Variants in CACNB2 observed in about 807,000 individuals in gnomAD.
CACNB2 encodes the protein voltage-dependent L-type calcium channel subunit beta-2.
Under a neutral mutation model 73.3 loss-of-function variants are expected in CACNB2, and 42 were observed. The observed-to-expected ratio is 0.57, with a 90% CI of 0.45 to 0.74. The LOEUF (loss-of-function observed/expected upper bound fraction) is 0.74. Among genes scored for constraint, CACNB2 ranks in the 30% least tolerant of loss-of-function variants. CACNB2 has a pLI of 0.00. For missense variants in CACNB2, 940 were observed against 853.0 expected (o/e 1.10, Z -1.27); for synonymous variants, 348 against 310.3 (o/e 1.12, Z -1.28).
At chr10:18,250,534 T>A (rs1022503951) in intron 2 of CACNB2, among the ~76,000 whole-genome samples, 1 of 86,916 alleles carries the variant, frequency 1.2e-5, no homozygotes, top group African/African-American at 3.3e-5. Flanking sequence ...TATCTCTCTC[T>A]TTTTTTTTTT....
chr10:18,453,609 C>T (rs1188480355), intron 3 of CACNB2, among the ~76,000 whole-genome samples: 3 of 152,220 alleles, frequency 2.0e-5, no homozygotes, highest in East Asian at 3.8e-4. Context: ...TAGATTGTCT[C>T]GTACACATAC....
At chr10:18,480,473 A>T (rs1230223071) in intron 3 of CACNB2, among the ~76,000 whole-genome samples, 2 of 152,178 alleles carry the variant, frequency 1.3e-5, no homozygotes, top group African/African-American at 4.8e-5. Context: ...TACTAGTCCA[A>T]CGTGTTTCTC....
chr10:18,284,879 G>A (rs1033395139), intron 2 of CACNB2, among the ~76,000 whole-genome samples: 4 of 152,206 alleles, frequency 2.6e-5, no homozygotes, highest in Non-Finnish European at 4.4e-5. Context: ...AAATGGTTGA[G>A]CTTTTAGAGA....
At chr10:18,407,848 A>C (rs754561920) in intron 3 of CACNB2, among the ~76,000 whole-genome samples, 27 of 152,206 alleles carry the variant, frequency 1.8e-4, no homozygotes, top group Middle Eastern at 6.8e-3. Context: ...CCATAGCCAT[A>C]ATATTTTCTC....
chr10:18,361,615 T>TC (rs2042144584), intron 2 of CACNB2, among the ~76,000 whole-genome samples: 1 of 150,568 alleles, frequency 6.6e-6, no homozygotes, highest in African/African-American at 2.4e-5. Context: ...TAAAATTCTT[T>TC]TTTTTTTTTT....
chr10:18,208,943 A>G (rs1317542871), intron 2 of CACNB2, among the ~76,000 whole-genome samples: 1 of 152,208 alleles, frequency 6.6e-6, no homozygotes, highest in Non-Finnish European at 1.5e-5. Context: ...GATTCTCTGG[A>G]GCACATCATC....
chr10:18,269,459 G>C (rs1276656256), intron 2 of CACNB2, among the ~76,000 whole-genome samples: 1 of 152,070 alleles, frequency 6.6e-6, no homozygotes, highest in East Asian at 1.9e-4. Flanking sequence ...GTGGTCATGA[G>C]TCCATCCTCA....
At chr10:18,385,365 C>A (rs1162227817) in intron 2 of CACNB2, among the ~76,000 whole-genome samples, 1 of 70,696 alleles carries the variant, frequency 1.4e-5, no homozygotes, top group Non-Finnish European at 2.8e-5. Context: ...ATTTGTAATA[C>A]CCCCCCCCCT....
intron 11 of CACNB2, among the ~76,000 whole-genome samples, chr10:18,535,330 G>C (rs1162224579): frequency 6.6e-6 from 1 of 152,118 alleles, no homozygotes; most frequent in African/African-American, 2.4e-5. Context: ...TTACAAATCT[G>C]TAGGAGGTTG....
intron 3 of CACNB2, among the ~76,000 whole-genome samples, chr10:18,494,446 G>A (rs553359314): frequency 1.6e-4 from 25 of 151,896 alleles, no homozygotes; most frequent in Non-Finnish European, 2.2e-4. Context: ...TGGCTAACAC[G>A]GTGAAACCCC....
chr10:18,454,308 A>G (rs549724849), intron 3 of CACNB2, among the ~76,000 whole-genome samples: 1 of 152,366 alleles, frequency 6.6e-6, no homozygotes, highest in South Asian at 2.1e-4. Context: ...CTGTATTAAC[A>G]TTAATGTTTC....
At chr10:18,370,857 A>G (rs953997768) in intron 2 of CACNB2, among the ~76,000 whole-genome samples, 1 of 152,192 alleles carries the variant, frequency 6.6e-6, no homozygotes, top group South Asian at 2.1e-4. Flanking sequence ...AGATACACAC[A>G]TATGTGTATA....
At chr10:18,426,914 T>C (rs1006406604) in intron 3 of CACNB2, among the ~76,000 whole-genome samples, 1 of 151,970 alleles carries the variant, frequency 6.6e-6, no homozygotes, top group Non-Finnish European at 1.5e-5. Context: ...TCTTAAAAAT[T>C]ATGAATTGGT....
intron 3 of CACNB2, among the ~76,000 whole-genome samples, chr10:18,435,052 G>C (rs1039873605): frequency 5.3e-5 from 8 of 152,214 alleles, no homozygotes; most frequent in Admixed American, 1.3e-4. Context: ...TCTCTGGTCT[G>C]CTGGAGCCCA....
At chr10:18,515,508 G>A (rs1487994069) in intron 7 of CACNB2, among the ~76,000 whole-genome samples, 1 of 152,188 alleles carries the variant, frequency 6.6e-6, no homozygotes, top group Non-Finnish European at 1.5e-5. Context: ...CTGCAAACAT[G>A]TATTTTGGTT....
At chr10:18,265,591 CAG>C (rs1239364828) in intron 2 of CACNB2, among the ~76,000 whole-genome samples, 1 of 152,184 alleles carries the variant, frequency 6.6e-6, no homozygotes, top group African/African-American at 2.4e-5. Context: ...ATGTTACTGA[CAG>C]AGATATATAC....
chr10:18,360,924 C>G (rs945752106), intron 2 of CACNB2, among the ~76,000 whole-genome samples: 9 of 152,190 alleles, frequency 5.9e-5, no homozygotes. Flanking sequence ...CCTTCCTAAT[C>G]ATCAAAGCCA....
At chr10:18,445,520 G>A (rs1386791431) in intron 3 of CACNB2, among the ~76,000 whole-genome samples, 7 of 152,162 alleles carry the variant, frequency 4.6e-5, no homozygotes, top group Admixed American at 2.6e-4. Context: ...TCCGAGGTAC[G>A]TAATGTGATT....
intron 3 of CACNB2, among the ~76,000 whole-genome samples, chr10:18,488,474 CAAAAAAAAAAAAAAAAAAA>C (rs59931967): frequency 1.4e-3 from 94 of 67,974 alleles, no homozygotes; most frequent in African/African-American, 5.0e-3. Flanking sequence ...GACTCCATCT[CAAAAAAAAAAAAAAAAAAA>C]AAAAAAGAAA....
Sources: allele counts gnomAD v4.1 joint callset (sites outside exome capture counted in the v4.1 genomes callset), GRCh38; gene constraint gnomAD v4.1.1; transcripts MANE v1.5; gene names NCBI Gene and HGNC (gene_info 2026-07-23, HGNC 2026-07-21).